DPP4: variants seen among roughly 807,000 people sequenced by gnomAD.
The protein encoded by DPP4 is dipeptidyl peptidase 4.
Under a neutral mutation model 122.4 loss-of-function variants are expected in DPP4, and 93 were observed. That is an observed-to-expected ratio of 0.76 (90% CI 0.64 to 0.90). The LOEUF (loss-of-function observed/expected upper bound fraction) is 0.90, where lower values mean the gene tolerates loss of function less well. DPP4 is among the 40% of genes least tolerant of loss of function. The pLI is 0.00. For synonymous variants in DPP4, 321 were observed against 302.9 expected (o/e 1.06, Z -0.62); for missense variants, 914 against 907.3 (o/e 1.01, Z -0.09).
At chr2:162,028,192 T>C (rs1489869912) in intron 10 of DPP4, among the ~76,000 whole-genome samples, 1 of 152,062 alleles carries the variant, frequency 6.6e-6, no homozygotes, top group African/African-American at 2.4e-5. Flanking sequence ...TGATACCCTG[T>C]GTCTACTAAA....
chr2:162,000,439 T>C (rs1192072932), intron 23 of DPP4, among the ~76,000 whole-genome samples: 2 of 152,144 alleles, frequency 1.3e-5, no homozygotes, highest in Admixed American at 6.5e-5. Flanking sequence ...AACACTGGCT[T>C]CTTTAAAGAT....
Position 162,035,326 on chromosome 2 carries a change from T to C in DPP4, c.614-2A>G. On this transcript the variant is annotated splice_acceptor_variant, in intron 8 of 25. Coordinates refer to ENST00000360534, the MANE Select transcript of DPP4 (RefSeq NM_001935.4). LOFTEE classifies it high-confidence loss of function. ...CAGAGTAGGCACTGAAGACTTCCTC[T>C]GAAAAAAGACACAAATTGTTCTGTT... The C allele has an allele frequency of 6.2e-7, 1 of 1,606,512 alleles. No individual in the cohort carries two copies.
At chr2:161,993,781 T>C (rs1456514434) in intron 25 of DPP4, among the ~76,000 whole-genome samples, 2 of 152,228 alleles carry the variant, frequency 1.3e-5, no homozygotes, top group African/African-American at 4.8e-5. Context: ...TTGTTTTAAT[T>C]AAACTGTTAT....
rs373136294 is a variant in DPP4, at chr2:162,073,937, C to T, written c.6+39G>A. On this transcript the variant is annotated intron_variant, in intron 1 of 25. Transcript: ENST00000360534. ...TTGGGGAGTTTGGCGAAGAGGTCCC[C>T]ACAGCTCGCCCCGGGGACGTACGTG... 9.9e-6 allele frequency: 16 copies of T among 1,610,832 alleles called. No homozygotes were observed. The African/African-American group carries it at 1.9e-4, about 19-fold the overall frequency.
intron 2 of DPP4, among the ~76,000 whole-genome samples, chr2:162,052,268 C>T (rs953796769): frequency 7.1e-6 from 1 of 141,708 alleles, no homozygotes; most frequent in Non-Finnish European, 1.5e-5. Flanking sequence ...TGGTGAGCTG[C>T]GATCACACCA....
chr2:162,016,414 T>A (rs1429521156), intron 18 of DPP4, among the ~76,000 whole-genome samples: 1 of 152,222 alleles, frequency 6.6e-6, no homozygotes, highest in Non-Finnish European at 1.5e-5. Context: ...ATCTCAGATA[T>A]CCTTGACCTC....
chr2:161,996,816 A>G (rs1046767595), intron 23 of DPP4, among the ~76,000 whole-genome samples: 3 of 152,110 alleles, frequency 2.0e-5, no homozygotes, highest in Non-Finnish European at 2.9e-5. Context: ...TATGTAGAGG[A>G]AAAAAACCAT....
intron 2 of DPP4, among the ~76,000 whole-genome samples, chr2:162,064,305 A>T (rs138496720): frequency 1.3e-5 from 2 of 152,288 alleles, no homozygotes; most frequent in Admixed American, 6.5e-5. Context: ...CTTTCAGTAC[A>T]GCCAAACCCT....
chr2:162,042,404 A>T (rs910708844), intron 5 of DPP4, among the ~76,000 whole-genome samples: 1 of 152,158 alleles, frequency 6.6e-6, no homozygotes, highest in Non-Finnish European at 1.5e-5. Context: ...TCACTCACTC[A>T]CTTGCTCATT....
At chr2:162,009,444 G>T in intron 20 of DPP4, 149 bp from the exon 21 acceptor site, 1 of 650,488 alleles carries the variant, frequency 1.5e-6, no homozygotes, top group Non-Finnish European at 2.7e-6. Context: ...AAACACCTGA[G>T]ATAAATATCT....
At chr2:161,998,236 C>T (rs775888261) in intron 23 of DPP4, among the ~76,000 whole-genome samples, 47 of 152,262 alleles carry the variant, frequency 3.1e-4, no homozygotes, top group Middle Eastern at 3.4e-3. Flanking sequence ...GACAGTTTTG[C>T]GCAGCATTCA....
At chr2:162,032,667 A>G (rs1683593124) in intron 10 of DPP4, among the ~76,000 whole-genome samples, 1 of 151,786 alleles carries the variant, frequency 6.6e-6, no homozygotes, top group Admixed American at 6.6e-5. Context: ...CGACAGAGCA[A>G]GACTCTGTCT....
At chr2:162,031,468 T>G (rs970734828) in intron 10 of DPP4, among the ~76,000 whole-genome samples, 1 of 152,218 alleles carries the variant, frequency 6.6e-6, no homozygotes, top group African/African-American at 2.4e-5. Context: ...CGATGGAATC[T>G]TTTTCAGAGC....
chr2:162,022,229 C>T (rs1174376624), intron 12 of DPP4, among the ~76,000 whole-genome samples: 1 of 152,206 alleles, frequency 6.6e-6, no homozygotes, highest in Admixed American at 6.5e-5. Context: ...AGGGTCACCA[C>T]ACTTTCCTGG....
At position 162,035,249 on chromosome 2, in the gene DPP4, T is replaced by C; in HGVS notation, c.689A>G (p.Asp230Gly). The change falls in exon 9 of 26, where the codon GAC (aspartate) becomes GGC (glycine). Residue 230 changes from aspartate to glycine, a missense_variant. By Grantham distance (94) the Asp-to-Gly change is moderately conservative. Transcript: ENST00000360534. ...GTFLAYAQFN[D>G]TEVPLIEYSF... ...GTATTCAATAAGTGGGACTTCTGTG[T>C]CGTTAAATTGGGCATATGCTAAAAA... is the stretch of plus-strand genomic sequence containing the variant. 1.2e-6 allele frequency: 2 copies of C among 1,614,034 alleles called. No individual in the cohort carries two copies. The highest frequency in any genetic ancestry group is 1.7e-6 in the Non-Finnish European group (2 of 1,179,964).
intron 4 of DPP4, among the ~76,000 whole-genome samples, chr2:162,046,308 G>A (rs1400501532): frequency 6.6e-6 from 1 of 152,174 alleles, no homozygotes; most frequent in Non-Finnish European, 1.5e-5. Context: ...TACCTGACAT[G>A]CAGAGGGAGA....
intron 10 of DPP4, among the ~76,000 whole-genome samples, chr2:162,026,740 G>A (rs1683342248): frequency 6.6e-6 from 1 of 152,194 alleles, no homozygotes; most frequent in Admixed American, 6.5e-5. Flanking sequence ...TCTGCCCAAT[G>A]CAGGGGAGCT....
At chr2:162,058,948 G>A (rs1322521691) in intron 2 of DPP4, among the ~76,000 whole-genome samples, 1 of 152,182 alleles carries the variant, frequency 6.6e-6, no homozygotes, top group Non-Finnish European at 1.5e-5. Context: ...CAAATGTTGA[G>A]ACTGAAACTC....
Position 162,022,808 on chromosome 2 carries a change from G to A in DPP4, c.1024-9C>T. 6.2e-7 allele frequency: 1 copy of A among 1,613,796 alleles called. No homozygotes were observed. Among genetic ancestry groups the A allele is most frequent in the Non-Finnish European group, 8.5e-7 (1 of 1,179,952 alleles). Reference sequence around the variant, plus strand: ...TCAATGTGTTGCCGTGCCTAGGAAGGGAAAGAGACAATGACAGCATTTCAA... The same window carrying A: ...TCAATGTGTTGCCGTGCCTAGGAAGAGAAAGAGACAATGACAGCATTTCAA... On this transcript the variant is annotated splice_polypyrimidine_tract_variant and intron_variant, in intron 11 of 25. Coordinates refer to ENST00000360534, the MANE Select transcript of DPP4 (RefSeq NM_001935.4).
Sources: allele counts gnomAD v4.1 joint callset (sites outside exome capture counted in the v4.1 genomes callset), GRCh38; gene constraint gnomAD v4.1.1; transcripts MANE v1.5; gene names NCBI Gene and HGNC (gene_info 2026-07-23, HGNC 2026-07-21).